The following PERM1 variants were observed in gnomAD, a reference collection of about 807,000 sequenced individuals.
PERM1 encodes the protein PGC-1 and ERR-induced regulator in muscle protein 1.
In PERM1, 45 loss-of-function variants were observed where a neutral mutation model predicts 44.1. The observed-to-expected ratio is 1.02, with a 90% CI of 0.80 to 1.31. The LOEUF is 1.31. Ranked by LOEUF, PERM1 falls within the 50% of genes most tolerant of loss-of-function variation. The probability of loss-of-function intolerance (pLI) is 0.00; values close to 1 mark genes in which losing one functional copy is unlikely to be tolerated. For missense variants in PERM1, 1,189 were observed against 1,106.9 expected (o/e 1.07, Z -1.05); for synonymous variants, 565 against 477.1 (o/e 1.18, Z -2.40).
exon 1 of PERM1, chr1:978,891 A>G (rs1643698110): frequency 6.7e-7 from 1 of 1,490,274 alleles, no homozygotes; most frequent in African/African-American, 1.4e-5. Context: ...CTGCCCGTCT[A>G]AGAGCCAGGT....
exon 3 of PERM1, chr1:976,211 C>A: frequency 6.5e-7 from 1 of 1,541,000 alleles, no homozygotes. Flanking sequence ...GGCGCCCTTG[C>A]CCCACCTGCC....
exon 3 of PERM1, chr1:976,037 C>T (rs980715940): frequency 1.2e-6 from 1 of 858,638 alleles, no homozygotes; most frequent in Admixed American, 3.0e-5. Context: ...GAGGGAGCAG[C>T]ACCAGGACAC....
At chr1:979,629 A>G (rs1237870488) in exon 1 of PERM1, 4 of 1,550,248 alleles carry the variant, frequency 2.6e-6, no homozygotes, top group Non-Finnish European at 2.6e-6. Flanking sequence ...CCACCACATC[A>G]GGCCCAGCTC....
exon 1 of PERM1, chr1:979,698 A>C: frequency 6.5e-7 from 1 of 1,550,296 alleles, no homozygotes; most frequent in South Asian, 1.2e-5. Context: ...GTGTAGACAC[A>C]AGCCCGCTGG....
At position 979,343 on chromosome 1, in the gene PERM1, G is replaced by C. The variant is rs772860002; in HGVS notation, c.1687C>G (p.Pro563Ala). ...CCGACCCTCGTCACGGCAGAGGGAG[G>C]GGGGCGAGGCAGGTGCTTGAGGATC... Residue 563 changes from proline (P) to alanine (A), a missense_variant, in exon 1 of 3, where the codon CCT becomes GCT. Physicochemically the swap from Pro to Ala is conservative, Grantham distance 27. This residue lies in a region of PERM1 where 900 missense variants were observed against 760.4 expected (regional missense o/e 1.18). Transcript: ENST00000433179. 147 of 1,520,532 alleles carry C rather than the reference G, an allele frequency of 9.7e-5. 1 individual carries two copies. The South Asian group carries it at 1.1e-3, about 12-fold the overall frequency. The allele number at this position is 1,520,532 out of a possible 1,614,324, so 94.2% of individuals were successfully genotyped here. A position where few individuals can be genotyped will look rare whatever the true frequency, so the allele number is the denominator to read the frequency against.
intron 2 of PERM1, 99 bp from the exon 4 acceptor site, chr1:976,368 C>A: frequency 6.7e-7 from 1 of 1,489,446 alleles, no homozygotes; most frequent in Non-Finnish European, 9.0e-7. Flanking sequence ...GTCGGTGCGG[C>A]CAGGGCCGCA....
intron 1 of PERM1, among the ~76,000 whole-genome samples, chr1:978,321 C>T (rs1206110929): frequency 6.6e-6 from 1 of 151,080 alleles, no homozygotes; most frequent in African/African-American, 2.4e-5. Flanking sequence ...CTGGACACGT[C>T]TTCCCGAAAC....
chr1:980,201 G>C (rs1219538873), exon 1 of PERM1: 2 of 1,550,344 alleles, frequency 1.3e-6, no homozygotes, highest in South Asian at 1.2e-5. Context: ...ACTGTGTGCA[G>C]CTTGGCTCGG....
At position 980,778 on chromosome 1, in the gene PERM1, CG is replaced by C; in HGVS notation, c.251del (p.Pro84ArgfsTer136). 1.4e-6 allele frequency: 2 copies of C among 1,400,694 alleles called. No homozygotes were observed. Among genetic ancestry groups the C allele is most frequent in the Non-Finnish European group, 1.8e-6 (2 of 1,085,806 alleles). 86.8% of individuals were successfully genotyped at this position (1,400,694 alleles called of 1,614,324 possible). A position where few individuals can be genotyped will look rare whatever the true frequency, so the allele number is the denominator to read the frequency against. On this transcript the variant is annotated frameshift_variant, in exon 1 of 3. Coordinates refer to ENST00000433179, the Ensembl canonical transcript of PERM1. LOFTEE classifies it high-confidence loss of function. Reference sequence around the variant, plus strand: ...CAGGCTCACCCTGAGACCTGCTGACCGGCTGCTGTGTGGCCACGTCCTCCTC... The same window carrying C: ...CAGGCTCACCCTGAGACCTGCTGACCGCTGCTGTGTGGCCACGTCCTCCTC...
rs932586529 is a variant in PERM1, at chr1:976,533, C to T, written c.2241G>A (p.Thr747=). The T allele has an allele frequency of 9.7e-6, 15 of 1,549,466 alleles. No individual in the cohort carries two copies. In the Admixed American group the frequency reaches 2.0e-4, roughly 20 times the overall value. Residue 747 remains threonine, a synonymous_variant, in exon 2 of 3, where the codon ACG becomes ACA. Transcript: ENST00000433179. Reference sequence around the variant, plus strand: ...AGGCGTCTGGGGTATGCGGATCTGACGTCCTCACAGCCCAGGTGGCAAAAG... The same window carrying T: ...AGGCGTCTGGGGTATGCGGATCTGATGTCCTCACAGCCCAGGTGGCAAAAG...
rs922995264 is a variant in PERM1, at chr1:979,722, C to T, written c.1308G>A (p.Pro436=). 5.8e-6 allele frequency: 9 copies of T among 1,550,194 alleles called. No individual in the cohort carries two copies. The East Asian group carries it at 7.3e-5, about 13-fold the overall frequency. ...CAAGCCCGCTGGACTCGGTCATCCT[C>T]GGCACAGCCTCCGAGACAGGTGGAG... Residue 436 remains proline (P), a synonymous_variant, in exon 1 of 3, where the codon CCG becomes CCA. Transcript: ENST00000433179.
At chr1:979,924 G>C in exon 1 of PERM1, 1 of 1,550,290 alleles carries the variant, frequency 6.5e-7, no homozygotes, top group Middle Eastern at 1.7e-4. Context: ...AGCCGTGTCA[G>C]ATTGCGGCTT....
At chr1:975,913 C>G in exon 3 of PERM1, 3 of 494,026 alleles carry the variant, frequency 6.1e-6, no homozygotes, top group Non-Finnish European at 1.1e-5. Flanking sequence ...ATCTGTGAAT[C>G]TGGCCACCCT....
At chr1:979,101 C>T in exon 1 of PERM1, 1 of 1,549,564 alleles carries the variant, frequency 6.5e-7, no homozygotes, top group Non-Finnish European at 8.7e-7. Flanking sequence ...TGGGGGCCGG[C>T]ACAGGATCAG....
exon 1 of PERM1, chr1:979,449 G>C: frequency 6.5e-7 from 1 of 1,545,024 alleles, no homozygotes; most frequent in African/African-American, 1.4e-5. Context: ...CTGTCTGGGG[G>C]GCTGAGGGCC....
chr1:981,108 C>T, upstream of PERM1: 1 of 1,549,210 alleles, frequency 6.5e-7, no homozygotes, highest in South Asian at 1.2e-5. Context: ...GGGCACCACC[C>T]TGCACATGCC....
At chr1:976,077 G>C in exon 3 of PERM1, 1 of 1,232,108 alleles carries the variant, frequency 8.1e-7, no homozygotes, top group Non-Finnish European at 1.1e-6. Context: ...TAGAAGAGAG[G>C]GGTCAGAGGG....
At chr1:981,501 CG>C (rs1266452560), upstream of PERM1, among the ~76,000 whole-genome samples, 1 of 152,236 alleles carries the variant, frequency 6.6e-6, no homozygotes, top group East Asian at 1.9e-4. Context: ...CCAGTGCCCT[CG>C]GGGGTGGGCA....
chr1:976,180 T>A, exon 3 of PERM1: 3 of 1,545,196 alleles, frequency 1.9e-6, no homozygotes, highest in Non-Finnish European at 2.6e-6. Flanking sequence ...TCCTAGGAGC[T>A]GGGGCTGGGG....
Sources: gnomAD v4.1 joint callset for allele counts (sites outside exome capture counted in the v4.1 genomes callset) on GRCh38, gnomAD v4.1.1 for gene constraint, gnomAD v4.1.1 regional missense constraint, MANE v1.5 for transcripts, NCBI Gene and HGNC (gene_info 2026-07-23, HGNC 2026-07-21) for gene names.